TCF7L1: variants seen among roughly 807,000 people sequenced by gnomAD.
TCF7L1 encodes transcription factor 7-like 1.
A neutral mutation model predicts 63.7 loss-of-function variants in TCF7L1; 18 were observed. That is an observed-to-expected ratio of 0.28 (90% CI 0.20 to 0.42). The LOEUF (loss-of-function observed/expected upper bound fraction) is 0.42, where lower values mean the gene tolerates loss of function less well. Ranked by LOEUF, TCF7L1 falls within the 10% of genes least tolerant of loss-of-function variation. TCF7L1 has a pLI of 1.00. For missense variants in TCF7L1, 654 were observed against 779.3 expected, an observed-to-expected ratio of 0.84 and a Z score of 1.91; for synonymous variants, 355 against 340.9, an observed-to-expected ratio of 1.04 and a Z score of -0.46.
rs549308570 is a variant in TCF7L1, at chr2:85,309,285, C to G, written c.1590C>G (p.Ser530=). The change falls in exon 12 of 12, where the codon TCC becomes TCG. Residue 530 remains serine, a synonymous_variant. Transcript: ENST00000282111. ...TCCTGTCGGCTAAGGCTGCAGCCTC[C>G]TCCTCTGGGCAGATGGGCAGCCAGC... ...AAFLSAKAAA[S]SSGQMGSQPP... The G allele has an allele frequency of 1.2e-6, 2 of 1,613,586 alleles. No homozygotes were observed. Among genetic ancestry groups the G allele is most frequent in the Non-Finnish European group, 1.7e-6 (2 of 1,179,984 alleles).
At position 85,309,597 on chromosome 2, in the gene TCF7L1, A is replaced by G; in HGVS notation, c.*135A>G. Reference sequence around the variant, plus strand: ...CTGTAAAGTGGCTGGTAACAACAGCACTTTACAGTTTGTAGATGTAACCAG... The same window carrying G: ...CTGTAAAGTGGCTGGTAACAACAGCGCTTTACAGTTTGTAGATGTAACCAG... On this transcript the variant is annotated 3_prime_UTR_variant, in exon 12 of 12. Coordinates refer to ENST00000282111, the MANE Select transcript of TCF7L1 (RefSeq NM_031283.3). The G allele has an allele frequency of 1.2e-6, 1 of 825,082 alleles. No homozygotes were observed. The highest frequency in any genetic ancestry group is 3.0e-5 in the East Asian group (1 of 33,788). 51.1% of individuals were successfully genotyped at this position (825,082 alleles called of 1,614,324 possible). A position where few individuals can be genotyped will look rare whatever the true frequency, so the allele number is the denominator to read the frequency against.
chr2:85,268,585 G>A (rs905290969), intron 3 of TCF7L1, among the ~76,000 whole-genome samples: 2 of 150,524 alleles, frequency 1.3e-5, no homozygotes, highest in Admixed American at 1.3e-4. Context: ...GGGATTACAG[G>A]CGCCCGCCAC....
intron 3 of TCF7L1, among the ~76,000 whole-genome samples, chr2:85,263,601 G>A (rs1680905128): frequency 6.6e-6 from 1 of 152,238 alleles, no homozygotes; most frequent in Non-Finnish European, 1.5e-5. Context: ...TGTTAAAGGT[G>A]TTCCCTTTCA....
chr2:85,210,205 C>G (rs1004587886), intron 3 of TCF7L1, among the ~76,000 whole-genome samples: 1 of 152,346 alleles, frequency 6.6e-6, no homozygotes, highest in East Asian at 1.9e-4. Flanking sequence ...GTGCCTTTCC[C>G]CTTGCCTCCT....
chr2:85,265,454 G>A (rs759299118), intron 3 of TCF7L1, among the ~76,000 whole-genome samples: 4 of 152,290 alleles, frequency 2.6e-5, no homozygotes, highest in South Asian at 2.1e-4. Flanking sequence ...TTGAATTGGC[G>A]CCCAGACCTT....
chr2:85,304,269 T>C lies in TCF7L1; in HGVS notation c.776T>C (p.Met259Thr), dbSNP rs1230760279. The change falls in exon 7 of 12, where the codon ATG becomes ACG. Residue 259 changes from methionine to threonine, a missense_variant. Met to Thr is a moderately conservative substitution (Grantham distance 81). Coordinates refer to ENST00000282111, the MANE Select transcript of TCF7L1 (RefSeq NM_031283.3). Reference sequence around the variant, plus strand: ...CCCCCTCACAGGCAAGGCCAGCCCATGTACTCCCTTCCTCCCGGTGGCTTC... The same window carrying C: ...CCCCCTCACAGGCAAGGCCAGCCCACGTACTCCCTTCCTCCCGGTGGCTTC... The part of the protein sequence containing the change: ...GWLVPQQGQP[M>T]YSLPPGGFRH... The C allele has an allele frequency of 1.9e-6, 3 of 1,613,968 alleles. No individual in the cohort carries two copies. Among genetic ancestry groups the C allele is most frequent in the South Asian group, 1.1e-5 (1 of 91,054 alleles).
At chr2:85,237,530 A>T (rs1680221208) in intron 3 of TCF7L1, among the ~76,000 whole-genome samples, 1 of 152,138 alleles carries the variant, frequency 6.6e-6, no homozygotes, top group Non-Finnish European at 1.5e-5. Flanking sequence ...AAGTGGTTCA[A>T]CATGCTTTTC....
chr2:85,162,062 A>G (rs74504675), intron 3 of TCF7L1, among the ~76,000 whole-genome samples: 7,803 of 152,072 alleles, frequency 0.051, 224 homozygotes, highest in Middle Eastern at 0.092. Context: ...AGATTTAAAA[A>G]AAAAAAAATC....
Position 85,309,520 on chromosome 2 carries a change from G to A in TCF7L1, c.*58G>A. 1 of 1,493,346 alleles carries A rather than the reference G, an allele frequency of 6.7e-7. No homozygotes were observed. The highest frequency in any genetic ancestry group is 9.0e-7 in the Non-Finnish European group (1 of 1,116,806). The allele number at this position is 1,493,346 out of a possible 1,614,324, so 92.5% of individuals were successfully genotyped here. On this transcript the variant is annotated 3_prime_UTR_variant, in exon 12 of 12. Coordinates refer to ENST00000282111, the MANE Select transcript of TCF7L1 (RefSeq NM_031283.3). Reference sequence around the variant, plus strand: ...CTCATTGAGTAGTAATGATTCAGAAGAAAAAGAAAAAGGAGACTTTATTGG... The same window carrying A: ...CTCATTGAGTAGTAATGATTCAGAAAAAAAAGAAAAAGGAGACTTTATTGG...
rs1677538124 is a variant in TCF7L1, at chr2:85,134,332, C to T, written c.323C>T (p.Pro108Leu). 3 of 1,584,472 alleles carry T rather than the reference C, an allele frequency of 1.9e-6. No homozygotes were observed. Among genetic ancestry groups the T allele is most frequent in the Non-Finnish European group, 2.6e-6 (3 of 1,164,664 alleles). The change falls in exon 3 of 12, where the codon CCT (proline) becomes CTT (leucine). Residue 108 changes from proline to leucine, a missense_variant. By Grantham distance (98) the Pro-to-Leu change is moderately conservative. Coordinates refer to ENST00000282111, the MANE Select transcript of TCF7L1 (RefSeq NM_031283.3). The surrounding 1 kb of genome is among the most constrained non-coding windows in gnomAD (Gnocchi z 5.0). ...TTGGTCTTGTTCGCAGTGAGAAGGCCTCAGGACAGCGCGTTCTTTAAAGGA... is the reference window on the plus strand; with the variant it reads ...TTGGTCTTGTTCGCAGTGAGAAGGCTTCAGGACAGCGCGTTCTTTAAAGGA... ...PRDYFAEVRR[P>L]QDSAFFKGPP...
intron 3 of TCF7L1, among the ~76,000 whole-genome samples, chr2:85,215,383 G>T (rs952779443): frequency 6.6e-6 from 1 of 152,200 alleles, no homozygotes; most frequent in East Asian, 1.9e-4. Flanking sequence ...ACATACCCTC[G>T]CCAGTGATGT....
intron 3 of TCF7L1, among the ~76,000 whole-genome samples, chr2:85,166,506 G>A (rs138559322): frequency 1.3e-5 from 2 of 152,332 alleles, no homozygotes; most frequent in East Asian, 3.9e-4. Flanking sequence ...GACCTGGGTG[G>A]CGTGGTAAGG....
rs1187644496 is a variant in TCF7L1, at chr2:85,178,879, T to C, written c.441+44429T>C. On this transcript the variant is annotated intron_variant, in intron 3 of 11. Transcript: ENST00000282111. ...TTTGGAGCCTCAGCCAACCCCACTGTGATTGGATCTCCTGCCTACAGCCTG... is the reference window on the plus strand; with the variant it reads ...TTTGGAGCCTCAGCCAACCCCACTGCGATTGGATCTCCTGCCTACAGCCTG... Among the ~76,000 whole-genome samples, 6 of 152,114 alleles carry C rather than the reference T, an allele frequency of 3.9e-5. No homozygotes were observed. The East Asian group carries it at 9.6e-4, about 24-fold the overall frequency.
At chr2:85,258,866 T>A (rs772931237) in intron 3 of TCF7L1, among the ~76,000 whole-genome samples, 1 of 152,124 alleles carries the variant, frequency 6.6e-6, no homozygotes, top group Admixed American at 6.5e-5. Flanking sequence ...AGGAAAACAG[T>A]GTCGTAGGTC....
intron 3 of TCF7L1, among the ~76,000 whole-genome samples, chr2:85,145,978 T>C (rs1181521903): frequency 1.3e-5 from 2 of 152,158 alleles, no homozygotes; most frequent in Non-Finnish European, 2.9e-5. Flanking sequence ...CCCAAAGTGC[T>C]GGGATTACAG....
intron 3 of TCF7L1, among the ~76,000 whole-genome samples, chr2:85,164,614 C>T (rs1678372896): frequency 6.6e-6 from 1 of 152,128 alleles, no homozygotes; most frequent in African/African-American, 2.4e-5. Flanking sequence ...TTCAGGGAAG[C>T]TCCAAAAACC....
At chr2:85,303,700 C>A (rs967058109) in intron 5 of TCF7L1, 195 bp from the exon 6 acceptor site, 5 of 473,164 alleles carry the variant, frequency 1.1e-5, no homozygotes, top group Middle Eastern at 3.1e-4. Flanking sequence ...GTGCATTAGT[C>A]CTGCCTCCCC....
intron 3 of TCF7L1, among the ~76,000 whole-genome samples, chr2:85,221,393 C>A (rs1679837169): frequency 6.6e-6 from 1 of 152,148 alleles, no homozygotes; most frequent in African/African-American, 2.4e-5. Flanking sequence ...TGTCTTAGTT[C>A]ATTTTGTGTT....
In TCF7L1 at chr2:85,134,920, GC is replaced by G. The variant is rs1207591953; in HGVS notation, c.441+475del. Among the ~76,000 whole-genome samples, 1 of 152,146 alleles carries G rather than the reference GC, an allele frequency of 6.6e-6. No individual in the cohort carries two copies. The highest frequency in any genetic ancestry group is 2.4e-5 in the African/African-American group (1 of 41,458). On this transcript the variant is annotated intron_variant, in intron 3 of 11. Transcript: ENST00000282111. This position sits in a 1 kb window ranked among gnomAD's most constrained non-coding sequence, Gnocchi z 5.0. ...CAGTTTTCGTGGCGGGTTATTCACAGCCCCCGTTCCCACCCCCAGCCCTCGC... is the reference window on the plus strand; with the variant it reads ...CAGTTTTCGTGGCGGGTTATTCACAGCCCCGTTCCCACCCCCAGCCCTCGC...
Sources: allele counts gnomAD v4.1 joint callset (sites outside exome capture counted in the v4.1 genomes callset), GRCh38; gene constraint gnomAD v4.1.1; non-coding constraint Gnocchi (gnomAD v3.1); transcripts MANE v1.5; gene names NCBI Gene and HGNC (gene_info 2026-07-23, HGNC 2026-07-21).